The following CA4 variants were observed in gnomAD, a reference collection of about 807,000 sequenced individuals.
CA4 encodes the protein carbonic anhydrase 4.
Under a neutral mutation model 34.5 loss-of-function variants are expected in CA4, and 24 were observed. The ratio of observed to expected loss-of-function variants is 0.70; its 90% CI spans 0.50 to 0.98. The LOEUF (loss-of-function observed/expected upper bound fraction) is 0.98, where lower values mean the gene tolerates loss of function less well. CA4 is among the 50% of genes least tolerant of loss of function. The pLI, the probability that CA4 is intolerant of heterozygous loss-of-function variation, is 0.00. For synonymous variants in CA4, 178 were observed against 170.6 expected (o/e 1.04, Z -0.34); for missense variants, 394 against 396.7 (o/e 0.99, Z 0.06).
the CA4 span, among the ~76,000 whole-genome samples, chr17:60,176,995 G>A: frequency 6.6e-6 from 1 of 152,204 alleles, no homozygotes; most frequent in Admixed American, 6.5e-5. Flanking sequence ...TCTAAATACA[G>A]CTTGCCGCTC....
At chr17:60,153,615 G>A (rs1054757411) in intron 1 of CA4, among the ~76,000 whole-genome samples, 1 of 152,188 alleles carries the variant, frequency 6.6e-6, no homozygotes, top group Non-Finnish European at 1.5e-5. Context: ...GGTCTGGATC[G>A]GGACCCCTTT....
intron 2 of CA4, among the ~76,000 whole-genome samples, chr17:60,155,988 G>A (rs965435357): frequency 6.6e-6 from 1 of 152,136 alleles, no homozygotes; most frequent in African/African-American, 2.4e-5. Flanking sequence ...GAGCAGTGCT[G>A]CCCGCTCCTG....
downstream of CA4, among the ~76,000 whole-genome samples, chr17:60,164,133 G>A (rs1318849153): frequency 2.7e-5 from 4 of 149,020 alleles, no homozygotes; most frequent in East Asian, 3.9e-4. Context: ...AAAAACAAAC[G>A]TAATCTTCCT....
Position 60,158,429 on chromosome 17 carries a change from C to G in CA4, c.727C>G (p.Gln243Glu). 1 of 1,614,010 alleles carries G rather than the reference C, an allele frequency of 6.2e-7. No homozygotes were observed. The highest frequency in any genetic ancestry group is 8.5e-7 in the Non-Finnish European group (1 of 1,179,996). ...VVWTVFREPI[Q>E]LHREQILAFS... is the part of the protein sequence containing the mutation. Reference sequence around the variant, plus strand: ...CTGGACTGTGTTCCGGGAGCCCATTCAGCTTCACAGAGAACAGGTGCACAG... The same window carrying G: ...CTGGACTGTGTTCCGGGAGCCCATTGAGCTTCACAGAGAACAGGTGCACAG... Residue 243 changes from glutamine (Q) to glutamate (E), a missense_variant, in exon 7 of 8, where the codon CAG becomes GAG. Gln to Glu is a conservative substitution (Grantham distance 29). Coordinates refer to ENST00000300900, the MANE Select transcript of CA4 (RefSeq NM_000717.5).
intron 1 of CA4, among the ~76,000 whole-genome samples, chr17:60,151,727 C>G (rs1217269979): frequency 6.6e-6 from 1 of 152,198 alleles, no homozygotes; most frequent in African/African-American, 2.4e-5. Context: ...CAGCTCACCC[C>G]TCACACAAGC....
the CA4 span, among the ~76,000 whole-genome samples, chr17:60,177,586 C>A: frequency 2.0e-5 from 3 of 152,262 alleles, no homozygotes; most frequent in South Asian, 6.2e-4. Context: ...TAAAATCTTC[C>A]ACTTTTTAAT....
intron 2 of CA4, 58 bp downstream of exon 2, chr17:60,155,425 G>A (rs1182939142): frequency 3.0e-5 from 43 of 1,420,792 alleles, no homozygotes; most frequent in Non-Finnish European, 3.7e-5. Context: ...CACGCAAGCC[G>A]AAATGGAGAC....
At chr17:60,153,954 G>A (rs549244344) in intron 1 of CA4, among the ~76,000 whole-genome samples, 3 of 152,136 alleles carry the variant, frequency 2.0e-5, no homozygotes, top group Non-Finnish European at 2.9e-5. Flanking sequence ...GCAGCTCTTC[G>A]TGGCCAGTTA....
chr17:60,157,481 C>T lies in CA4; in HGVS notation c.323C>T (p.Pro108Leu), dbSNP rs2083708691. 6.2e-7 allele frequency: 1 copy of T among 1,614,004 alleles called. No individual in the cohort carries two copies. The highest frequency in any genetic ancestry group is 1.3e-5 in the African/African-American group (1 of 74,922). The change falls in exon 4 of 8, where the codon CCA (proline) becomes CTA (leucine). Residue 108 changes from proline (P) to leucine (L), a missense_variant. By Grantham distance (98) the Pro-to-Leu change is moderately conservative (BLOSUM62 -3). Transcript: ENST00000300900. ...ATTTCTGGAGGAGGACTGCCTGCCC[C>T]ATACCAGGCCAAACAGTTGCACCTG... The part of the protein sequence containing the change: ...ASISGGGLPA[P>L]YQAKQLHLHW...
At chr17:60,163,976 A>G (rs1399529613), downstream of CA4, among the ~76,000 whole-genome samples, 1 of 151,924 alleles carries the variant, frequency 6.6e-6, no homozygotes. Context: ...ACGAGGGGGA[A>G]AAAAAGAAGC....
chr17:60,163,258 C>G (rs1328679088), downstream of CA4, among the ~76,000 whole-genome samples: 1 of 152,030 alleles, frequency 6.6e-6, no homozygotes, highest in Non-Finnish European at 1.5e-5. Context: ...CTCCAGGGGG[C>G]GCCTATACCG....
At chr17:60,165,866 T>C (rs1259862901) in intron 5 of CA4, among the ~76,000 whole-genome samples, 1 of 151,736 alleles carries the variant, frequency 6.6e-6, no homozygotes, top group African/African-American at 2.4e-5. Context: ...CTAAATTACA[T>C]GGGACATAGT....
intron 5 of CA4, 125 bp downstream of exon 5, chr17:60,157,913 T>G (rs1276131136): frequency 6.5e-7 from 1 of 1,532,554 alleles, no homozygotes; most frequent in Non-Finnish European, 8.9e-7. Flanking sequence ...CCTCTGTTTC[T>G]GGGGTTGCAT....
Position 60,150,059 on chromosome 17 carries a change from G to A in CA4, c.25G>A (p.Ala9Thr). MRMLLALL[A>T]LSAARPSASA... ...GATGCGGATGCTGCTGGCGCTCCTG[G>A]CCCTCTCCGCGGCGCGGCCATCGGC... Residue 9 changes from alanine (A) to threonine (T), a missense_variant, in exon 1 of 8, where the codon GCC (alanine) becomes ACC (threonine). Coordinates refer to ENST00000300900, the MANE Select transcript of CA4 (RefSeq NM_000717.5). 11 of 1,601,020 alleles carry A rather than the reference G, an allele frequency of 6.9e-6. No individual in the cohort carries two copies. The highest frequency in any genetic ancestry group is 9.3e-6 in the Non-Finnish European group (11 of 1,179,104).
At chr17:60,150,342 G>A (rs1245530372) in intron 1 of CA4, among the ~76,000 whole-genome samples, 1 of 152,172 alleles carries the variant, frequency 6.6e-6, no homozygotes, top group African/African-American at 2.4e-5. Context: ...GGGTGTGTGC[G>A]CGTGGCCCGG....
chr17:60,153,662 A>G (rs1375748943), intron 1 of CA4, among the ~76,000 whole-genome samples: 1 of 152,130 alleles, frequency 6.6e-6, no homozygotes, highest in African/African-American at 2.4e-5. Context: ...AGATTATGGG[A>G]CTCAGAATGT....
chr17:60,159,653 T>A, downstream of CA4: 1 of 607,670 alleles, frequency 1.6e-6, no homozygotes, highest in Non-Finnish European at 2.9e-6. Flanking sequence ...CCAGGAGATT[T>A]CTCCCAAGCA....
At chr17:60,167,202 T>A (rs1380805687) in intron 5 of CA4, among the ~76,000 whole-genome samples, 1 of 152,200 alleles carries the variant, frequency 6.6e-6, no homozygotes, top group Non-Finnish European at 1.5e-5. Flanking sequence ...TCCAAGTGTT[T>A]CTTGTTCTGT....
intron 2 of CA4, among the ~76,000 whole-genome samples, chr17:60,156,189 G>A (rs920348547): frequency 1.1e-4 from 16 of 152,168 alleles, no homozygotes; most frequent in East Asian, 3.8e-4. Context: ...CCAGGGAAGC[G>A]GATTATCTCT....
Sources: allele counts gnomAD v4.1 joint callset (sites outside exome capture counted in the v4.1 genomes callset), GRCh38; gene constraint gnomAD v4.1.1; transcripts MANE v1.5; gene names NCBI Gene and HGNC (gene_info 2026-07-23, HGNC 2026-07-21).